The following CASTOR2 variants were observed in gnomAD, a reference collection of about 807,000 sequenced individuals.
CASTOR2 encodes GATS protein like 2.
A neutral mutation model predicts 31.2 loss-of-function variants in CASTOR2; 8 were observed. The ratio of observed to expected loss-of-function variants is 0.26; its 90% CI spans 0.15 to 0.46. The LOEUF is 0.46. CASTOR2 is among the 20% of genes least tolerant of loss of function. CASTOR2 has a pLI of 0.99. For missense variants in CASTOR2, 216 were observed against 382.1 expected (o/e 0.57, Z 3.62); for synonymous variants, 162 against 158.7 (o/e 1.02, Z -0.16).
At position 75,006,815 on chromosome 7, in the gene CASTOR2, T is replaced by C. The variant is rs1360025667; in HGVS notation, c.114-1179T>C. Among the ~76,000 whole-genome samples the C allele has an allele frequency of 2.8e-4, 42 of 152,216 alleles. No individual in the cohort carries two copies. The East Asian group carries it at 7.9e-3, about 29-fold the overall frequency. On this transcript the variant is annotated intron_variant, in intron 1 of 8. Transcript: ENST00000616305. ...ATGTAAGACATGCCTTAGCTCCTTC[T>C]TTGCCTTCTGTCATGATTGTGAGCA...
intron 1 of CASTOR2, among the ~76,000 whole-genome samples, chr7:74,988,735 TG>T (rs1804133927): frequency 6.6e-6 from 1 of 152,192 alleles, no homozygotes. Context: ...ACAGCGACCA[TG>T]ACAGTGATGG....
intron 1 of CASTOR2, among the ~76,000 whole-genome samples, chr7:75,006,657 G>A (rs1163446814): frequency 6.6e-6 from 1 of 152,144 alleles, no homozygotes; most frequent in Non-Finnish European, 1.5e-5. Flanking sequence ...TGTCAAGGGT[G>A]GGGGCAGGTG....
intron 1 of CASTOR2, among the ~76,000 whole-genome samples, chr7:75,000,007 G>A (rs1359659322): frequency 3.9e-4 from 59 of 152,250 alleles, no homozygotes; most frequent in African/African-American, 1.4e-3. Flanking sequence ...TGGGAGGATC[G>A]CTTGAGGTCA....
At chr7:74,994,521 C>T (rs1286194912) in intron 1 of CASTOR2, among the ~76,000 whole-genome samples, 3 of 152,016 alleles carry the variant, frequency 2.0e-5, no homozygotes, top group African/African-American at 4.8e-5. Flanking sequence ...GGGGCCGAGG[C>T]GGGTGGATCA....
chr7:74,980,716 T>C (rs587629287), intron 1 of CASTOR2, among the ~76,000 whole-genome samples: 85 of 133,872 alleles, frequency 6.3e-4, no homozygotes, highest in Middle Eastern at 3.6e-3. Flanking sequence ...CTGGTTTTTA[T>C]TGGAGGAAGG....
chr7:74,989,520 C>T (rs1337309554), intron 1 of CASTOR2, among the ~76,000 whole-genome samples: 12 of 151,750 alleles, frequency 7.9e-5, no homozygotes, highest in Admixed American at 6.6e-4. Context: ...CACCCAGGCT[C>T]GAGCAATCCT....
At chr7:74,994,919 G>C (rs1469976930) in intron 1 of CASTOR2, among the ~76,000 whole-genome samples, 1 of 152,118 alleles carries the variant, frequency 6.6e-6, no homozygotes, top group Non-Finnish European at 1.5e-5. Flanking sequence ...GCCTACGCTG[G>C]GGAGGAGAAG....
At chr7:74,983,430 G>A (rs1386318734) in intron 1 of CASTOR2, among the ~76,000 whole-genome samples, 3 of 146,946 alleles carry the variant, frequency 2.0e-5, no homozygotes, top group African/African-American at 5.1e-5. Context: ...CACCCAGCCC[G>A]TCAGTCCAAA....
At chr7:74,972,624 A>G (rs1554435194) in intron 1 of CASTOR2, among the ~76,000 whole-genome samples, 2 of 149,968 alleles carry the variant, frequency 1.3e-5, no homozygotes, top group African/African-American at 2.4e-5. Context: ...GTGTTCCTAC[A>G]TGCAGGAAAT....
At chr7:75,015,705 A>T (rs1804847549) in intron 2 of CASTOR2, among the ~76,000 whole-genome samples, 1 of 152,124 alleles carries the variant, frequency 6.6e-6, no homozygotes, top group Middle Eastern at 3.4e-3. Context: ...TTCCTAAGTG[A>T]TCTTCGGCAA....
chr7:74,983,226 G>A (rs1226973138), intron 1 of CASTOR2, among the ~76,000 whole-genome samples: 28 of 138,938 alleles, frequency 2.0e-4, no homozygotes, highest in African/African-American at 7.3e-4. Context: ...TGGCCAGGCT[G>A]GTCTCAAACT....
rs1259722610 is a variant in CASTOR2 at position 75,026,541 on chromosome 7, C to G, written c.*1842C>G. 1.4e-4 allele frequency among the ~76,000 whole-genome samples: 21 copies of G among 152,278 alleles called. No homozygotes were observed. The highest frequency in any genetic ancestry group is 5.1e-4 in the African/African-American group (21 of 41,558). On this transcript the variant is annotated 3_prime_UTR_variant, in exon 9 of 9. Transcript: ENST00000616305. ...GAGAAGGGATATTTTCTAGTCCTGACAAAGTGTTCCCTGCTTCTCTGAGTG... is the reference window on the plus strand; with the variant it reads ...GAGAAGGGATATTTTCTAGTCCTGAGAAAGTGTTCCCTGCTTCTCTGAGTG...
chr7:74,973,100 G>C (rs1803716463), intron 1 of CASTOR2, among the ~76,000 whole-genome samples: 1 of 150,276 alleles, frequency 6.7e-6, no homozygotes, highest in African/African-American at 2.5e-5. Flanking sequence ...TTTAGGGAAA[G>C]ACAGGCTAGC....
rs1237201213 is a variant in CASTOR2 at position 75,025,625 on chromosome 7, A to G, written c.*926A>G. ...CGTCCTCCTCCCTCCTCTGCCCCCA[A>G]GTCACCTGCCTGCCCACCCGCCCCT... On this transcript the variant is annotated 3_prime_UTR_variant, in exon 9 of 9. Transcript: ENST00000616305. Among the ~76,000 whole-genome samples, 1 of 152,236 alleles carries G rather than the reference A, an allele frequency of 6.6e-6. No homozygotes were observed. Among genetic ancestry groups the G allele is most frequent in the African/African-American group, 2.4e-5 (1 of 41,472 alleles).
intron 2 of CASTOR2, among the ~76,000 whole-genome samples, chr7:75,013,065 G>A (rs868966737): frequency 3.9e-5 from 6 of 152,202 alleles, no homozygotes; most frequent in Middle Eastern, 3.2e-3. Context: ...TGGGATTACA[G>A]GCATGACCCC....
rs1382440844 is a variant in CASTOR2, at chr7:74,973,382, C to A, written c.113+8284C>A. Among the ~76,000 whole-genome samples the A allele has an allele frequency of 4.5e-5, 5 of 110,460 alleles. No individual in the cohort carries two copies. The South Asian group carries it at 1.1e-3, about 24-fold the overall frequency. The allele number at this position is 110,460 out of a possible 152,430, so 72.5% of individuals were successfully genotyped here. On this transcript the variant is annotated intron_variant, in intron 1 of 8. Coordinates refer to ENST00000616305, the MANE Select transcript of CASTOR2 (RefSeq NM_001145064.3). ...TTGAGACAGAGTCTTGCTCTGTTGC[C>A]CCGGCTGGAGTGCAGTGGCATGATC... is the stretch of plus-strand genomic sequence containing the variant.
chr7:74,999,896 A>T lies in CASTOR2; in HGVS notation c.114-8098A>T, dbSNP rs1401515133. Among the ~76,000 whole-genome samples the T allele has an allele frequency of 1.3e-4, 20 of 152,202 alleles. No individual in the cohort carries two copies. The South Asian group carries it at 4.1e-3, about 32-fold the overall frequency. The stretch of plus-strand genomic sequence containing the variant: ...CCAAAGTGCTGGGATTACAGGCATG[A>T]GCCACTGCGCCCGGCCACTCACTGC... On this transcript the variant is annotated intron_variant, in intron 1 of 8. Coordinates refer to ENST00000616305, the MANE Select transcript of CASTOR2 (RefSeq NM_001145064.3).
intron 1 of CASTOR2, among the ~76,000 whole-genome samples, chr7:74,982,437 C>G (rs1348131921): frequency 6.6e-6 from 1 of 151,728 alleles, no homozygotes; most frequent in Non-Finnish European, 1.5e-5. Context: ...CGGTGAATTT[C>G]CTGGGTGACT....
chr7:74,990,054 A>G (rs1340448653), intron 1 of CASTOR2, among the ~76,000 whole-genome samples: 1 of 152,082 alleles, frequency 6.6e-6, no homozygotes, highest in African/African-American at 2.4e-5. Context: ...ATACACATCT[A>G]TAAGAAACCA....
Sources: allele counts gnomAD v4.1 joint callset (sites outside exome capture counted in the v4.1 genomes callset), GRCh38; gene constraint gnomAD v4.1.1; transcripts MANE v1.5; gene names NCBI Gene and HGNC (gene_info 2026-07-23, HGNC 2026-07-21).